Variants in RFC2 observed in about 807,000 individuals in gnomAD.
RFC2 encodes the protein A1 40 kDa subunit.
Under a neutral mutation model 44.8 loss-of-function variants are expected in RFC2, and 34 were observed. The observed-to-expected ratio is 0.76, with a 90% CI of 0.58 to 1.01. The LOEUF is 1.01. Ranked by LOEUF, RFC2 falls within the 50% of genes least tolerant of loss-of-function variation. The probability of loss-of-function intolerance (pLI) is 0.00; values close to 1 mark genes in which losing one functional copy is unlikely to be tolerated. For missense variants in RFC2, 400 were observed against 453.6 expected (o/e 0.88, Z 1.07); for synonymous variants, 177 against 168.9 (o/e 1.05, Z -0.37).
At chr7:74,253,076 C>T (rs1375473876) in intron 1 of RFC2, among the ~76,000 whole-genome samples, 1 of 152,214 alleles carries the variant, frequency 6.6e-6, no homozygotes, top group Non-Finnish European at 1.5e-5. Context: ...ACGGCCAGCA[C>T]AGGTCATCTG....
Position 74,238,987 on chromosome 7 carries a change from G to A in RFC2, c.695C>T (p.Ala232Val), listed in dbSNP as rs3135684. ...GAAGGTGGACTGCAGGTTGTTCAGC[G>A]CCTGTTCAGGAGCAAACACATGTCA... ...IFTAQGDMRQ[A>V]LNNLQSTFSG... The change falls in exon 8 of 11, where the codon GCG becomes GTG. Residue 232 changes from alanine (A) to valine (V), a missense_variant and splice_region_variant. By Grantham distance (64) the Ala-to-Val change is moderately conservative. Coordinates refer to ENST00000055077, the MANE Select transcript of RFC2 (RefSeq NM_181471.3). This position sits in a 1 kb window ranked among gnomAD's most constrained non-coding sequence, Gnocchi z 4.0. The A allele has an allele frequency of 1.3e-3, 2,130 of 1,612,926 alleles. 14 individuals carry two copies. The highest frequency in any genetic ancestry group is 6.9e-3 in the South Asian group (629 of 91,062).
chr7:74,245,998 C>T (rs1803581820), intron 5 of RFC2, among the ~76,000 whole-genome samples: 1 of 151,682 alleles, frequency 6.6e-6, no homozygotes, highest in African/African-American at 2.4e-5. Flanking sequence ...AGATTGAGAC[C>T]ACCCTGGCTA....
At position 74,248,922 on chromosome 7, in the gene RFC2, G is replaced by A. The variant is rs149292802; in HGVS notation, c.332+90C>T. Reference sequence around the variant, plus strand: ...GAAATCACATAGCTGGCAAGGCTTCGCATACAACCCAATGCTGAGAAAGGT... The same window carrying A: ...GAAATCACATAGCTGGCAAGGCTTCACATACAACCCAATGCTGAGAAAGGT... On this transcript the variant is annotated intron_variant, in intron 4 of 10. Coordinates refer to ENST00000055077, the MANE Select transcript of RFC2 (RefSeq NM_181471.3). 402 of 879,578 alleles carry A rather than the reference G, an allele frequency of 4.6e-4. 5 individuals are homozygous for A. In the East Asian group the frequency reaches 9.2e-3, roughly 20 times the overall value. 54.5% of individuals were successfully genotyped at this position (879,578 alleles called of 1,614,324 possible).
At chr7:74,242,604 C>T (rs963674618) in intron 6 of RFC2, among the ~76,000 whole-genome samples, 3 of 151,846 alleles carry the variant, frequency 2.0e-5, no homozygotes, top group Non-Finnish European at 4.4e-5. Context: ...AAAAAAATCC[C>T]TACTCTTCCA....
intron 5 of RFC2, among the ~76,000 whole-genome samples, chr7:74,246,073 G>T (rs1340560556): frequency 1.3e-5 from 2 of 152,008 alleles, no homozygotes; most frequent in African/African-American, 4.8e-5. Flanking sequence ...GTGCATGCCT[G>T]TAGTCTCAGC....
In RFC2 at chr7:74,252,474, C is replaced by T; in HGVS notation, c.138G>A (p.Lys46=). Residue 46 remains lysine (K), a synonymous_variant, in exon 2 of 11, where the codon AAG becomes AAA. Transcript: ENST00000055077. The stretch of plus-strand genomic sequence containing the variant: ...CTTCATTCCCGACAATTTCATTCAG[C>T]TTTACTGGCCTATATTTTTCAACCC... The part of the protein sequence containing the change: ...LPWVEKYRPV[K]LNEIVGNEDT... 1.9e-6 allele frequency: 3 copies of T among 1,605,704 alleles called. No homozygotes were observed. Among genetic ancestry groups the T allele is most frequent in the South Asian group, 2.2e-5 (2 of 90,906 alleles).
rs782186367 is a variant in RFC2, at chr7:74,240,004, C to T, written c.627G>A (p.Glu209=). The change falls in exon 7 of 11, where the codon GAG becomes GAA. Residue 209 remains glutamate, a synonymous_variant. Coordinates refer to ENST00000055077, the MANE Select transcript of RFC2 (RefSeq NM_181471.3). ...GGCCGTCATCAGTGTAGGGTACCCT[C>T]TCCTTCTCGATAACATTCATCAGCC... ...LTRLMNVIEK[E]RVPYTDDGLE... is the part of the protein sequence containing the mutation. The T allele has an allele frequency of 1.2e-6, 2 of 1,613,958 alleles. No homozygotes were observed. Among genetic ancestry groups the T allele is most frequent in the South Asian group, 2.2e-5 (2 of 91,040 alleles).
intron 5 of RFC2, among the ~76,000 whole-genome samples, chr7:74,246,302 G>C (rs1803602601): frequency 6.6e-6 from 1 of 151,960 alleles, no homozygotes; most frequent in African/African-American, 2.4e-5. Context: ...GGGAGGCTGA[G>C]GCCAGGGAAC....
intron 2 of RFC2, among the ~76,000 whole-genome samples, chr7:74,250,157 A>C (rs868990449): frequency 1.4e-5 from 2 of 142,304 alleles, no homozygotes; most frequent in African/African-American, 2.5e-5. Flanking sequence ...TCTCAAAAAC[A>C]AAAAAAAAAA....
intron 4 of RFC2, among the ~76,000 whole-genome samples, chr7:74,247,513 G>A (rs536395519): frequency 2.0e-5 from 3 of 152,308 alleles, no homozygotes; most frequent in South Asian, 2.1e-4. Context: ...GCCCGCGCAC[G>A]CCTGTAGTCC....
rs1426844640 is a variant in RFC2, at chr7:74,234,211, A to G, written c.954+1321T>C. Reference sequence around the variant, plus strand: ...AGTGAAAGAAAGAAGCCAAACTCACAAGGCTAAGTTCTACATGATCCCATT... The same window carrying G: ...AGTGAAAGAAAGAAGCCAAACTCACGAGGCTAAGTTCTACATGATCCCATT... On this transcript the variant is annotated intron_variant, in intron 10 of 10. Transcript: ENST00000055077. Among the ~76,000 whole-genome samples the G allele has an allele frequency of 1.3e-5, 2 of 152,126 alleles. 1 individual carries two copies. Among genetic ancestry groups the G allele is most frequent in the African/African-American group, 4.8e-5 (2 of 41,424 alleles).
At chr7:74,241,802 A>C (rs1803343868) in intron 6 of RFC2, among the ~76,000 whole-genome samples, 1 of 152,216 alleles carries the variant, frequency 6.6e-6, no homozygotes, top group African/African-American at 2.4e-5. Context: ...TCTAAGAAAA[A>C]TACAAAAATT....
intron 5 of RFC2, 57 bp downstream of exon 5, chr7:74,246,605 A>T (rs1803625550): frequency 8.2e-7 from 1 of 1,221,738 alleles, no homozygotes; most frequent in Non-Finnish European, 1.2e-6. Flanking sequence ...TGATTGAATA[A>T]AACCGAAAAA....
At chr7:74,243,054 A>T in intron 6 of RFC2, 92 bp downstream of exon 6, 2 of 825,804 alleles carry the variant, frequency 2.4e-6, no homozygotes, top group Middle Eastern at 3.5e-4. Context: ...ACTGCACTCC[A>T]GCCTGAGCGA....
At chr7:74,234,031 G>C (rs1802873797) in intron 10 of RFC2, 1 of 412,472 alleles carries the variant, frequency 2.4e-6, no homozygotes, top group Admixed American at 2.5e-5. Flanking sequence ...TTTATTCACA[G>C]TCACCACAAT....
chr7:74,245,165 G>A (rs1446251322), intron 5 of RFC2, among the ~76,000 whole-genome samples: 4 of 151,724 alleles, frequency 2.6e-5, no homozygotes, highest in Non-Finnish European at 5.9e-5. Context: ...AAGTAGCTGG[G>A]ATTACAGGTA....
chr7:74,233,203 C>T (rs1335908642), intron 10 of RFC2, among the ~76,000 whole-genome samples: 1 of 151,882 alleles, frequency 6.6e-6, no homozygotes, highest in African/African-American at 2.4e-5. Context: ...AGAGCAAGAC[C>T]CTGTCTCTCA....
chr7:74,242,466 G>A (rs577396227), intron 6 of RFC2, among the ~76,000 whole-genome samples: 4 of 152,214 alleles, frequency 2.6e-5, no homozygotes, highest in South Asian at 4.1e-4. Flanking sequence ...ATAGGATTAT[G>A]TAAGATTAAA....
At chr7:74,233,830 G>A (rs1554717716) in intron 10 of RFC2, 5 of 456,508 alleles carry the variant, frequency 1.1e-5, no homozygotes, top group South Asian at 4.6e-5. Flanking sequence ...CTAGGTTGAG[G>A]ATCCTCCGGA....
Sources: allele counts gnomAD v4.1 joint callset (sites outside exome capture counted in the v4.1 genomes callset), GRCh38; gene constraint gnomAD v4.1.1; non-coding constraint Gnocchi (gnomAD v3.1); transcripts MANE v1.5; gene names NCBI Gene and HGNC (gene_info 2026-07-23, HGNC 2026-07-21).